The following PPP3CA variants were observed in gnomAD, a reference collection of about 807,000 sequenced individuals.
PPP3CA encodes the protein protein phosphatase 3 catalytic subunit alpha.
PPP3CA carries 14 observed loss-of-function variants against 66.5 expected under a neutral mutation model. That is an observed-to-expected ratio of 0.21 (90% confidence interval 0.14 to 0.33). The LOEUF is 0.33. PPP3CA is among the 10% of genes least tolerant of loss of function. The pLI, the probability that PPP3CA is intolerant of heterozygous loss-of-function variation, is 1.00. For missense variants in PPP3CA, 317 were observed against 639.5 expected (o/e 0.50, Z 5.44); for synonymous variants, 232 against 226.2 (o/e 1.03, Z -0.23).
At chr4:101,159,271 C>T (rs1373206066) in intron 2 of PPP3CA, among the ~76,000 whole-genome samples, 2 of 152,108 alleles carry the variant, frequency 1.3e-5, no homozygotes, top group African/African-American at 2.4e-5. Context: ...GATTCAGAGG[C>T]CAGTGCTATT....
rs148350995 is a variant in PPP3CA at position 101,057,053 on chromosome 4, G to T, written c.1156+4034C>A. On this transcript the variant is annotated intron_variant, in intron 10 of 13. Transcript: ENST00000394854. ...ACTGAAATATATAATATCTTAAGTA[G>T]AATATACTTTTTTTTTTTTTTGAAT... is the stretch of plus-strand genomic sequence containing the variant. Among the ~76,000 whole-genome samples the T allele has an allele frequency of 6.5e-3, 981 of 150,722 alleles. 7 individuals are homozygous for T. Among genetic ancestry groups the T allele is most frequent in the Middle Eastern group, 0.034 (10 of 294 alleles).
chr4:101,192,248 T>TA (rs1724630512), intron 2 of PPP3CA, among the ~76,000 whole-genome samples: 2 of 152,122 alleles, frequency 1.3e-5, no homozygotes, highest in Admixed American at 1.3e-4. Flanking sequence ...GGTCTTGTAA[T>TA]AAAAATAGGA....
At chr4:101,094,951 T>A (rs1578440908) in intron 5 of PPP3CA, among the ~76,000 whole-genome samples, 1 of 152,250 alleles carries the variant, frequency 6.6e-6, no homozygotes, top group East Asian at 1.9e-4. Flanking sequence ...CAAGTGAACA[T>A]ATTTTGCTTA....
chr4:101,112,080 T>C (rs372616479), intron 2 of PPP3CA, among the ~76,000 whole-genome samples: 2 of 152,162 alleles, frequency 1.3e-5, no homozygotes, highest in African/African-American at 2.4e-5. Context: ...CCTCTGTATA[T>C]GTAAATGACA....
At chr4:101,138,308 G>A (rs1361648933) in intron 2 of PPP3CA, among the ~76,000 whole-genome samples, 1 of 152,002 alleles carries the variant, frequency 6.6e-6, no homozygotes, top group African/African-American at 2.4e-5. Context: ...ATAATTTTTG[G>A]GTAAGTAACT....
rs529333350 is a variant in PPP3CA, at chr4:101,190,853, A to G, written c.259+5063T>C. 9.2e-5 allele frequency among the ~76,000 whole-genome samples: 14 copies of G among 152,328 alleles called. No homozygotes were observed. The South Asian group carries it at 2.9e-3, about 32-fold the overall frequency. ...TAATAAATTATAATCAACAGTCAAA[A>G]TAATTTATTTCTTCTACTTCTTGAG... is the stretch of plus-strand genomic sequence containing the variant. On this transcript the variant is annotated intron_variant, in intron 2 of 13. Transcript: ENST00000394854.
intron 5 of PPP3CA, among the ~76,000 whole-genome samples, chr4:101,094,676 A>G (rs184414141): frequency 6.6e-6 from 1 of 152,286 alleles, no homozygotes; most frequent in Non-Finnish European, 1.5e-5. Context: ...TATGAAATCA[A>G]TTTTCCAGCT....
rs1460960318 is a variant in PPP3CA at position 101,334,603 on chromosome 4, C to T, written c.58+12136G>A. Among the ~76,000 whole-genome samples the T allele has an allele frequency of 1.3e-5, 2 of 152,142 alleles. 1 individual carries two copies. Among genetic ancestry groups the T allele is most frequent in the South Asian group, 4.1e-4 (2 of 4,834 alleles). On this transcript the variant is annotated intron_variant, in intron 1 of 13. Coordinates refer to ENST00000394854, the MANE Select transcript of PPP3CA (RefSeq NM_000944.5). The stretch of plus-strand genomic sequence containing the variant: ...ATTATGTTTTAAATATCAGTTACTT[C>T]TGAAATATCTATCAAAAAAGCAATT...
intron 2 of PPP3CA, among the ~76,000 whole-genome samples, chr4:101,125,801 T>A (rs1032468697): frequency 1.3e-5 from 2 of 152,178 alleles, no homozygotes; most frequent in African/African-American, 4.8e-5. Flanking sequence ...AGTTTCTGCA[T>A]AGAATTTATA....
intron 8 of PPP3CA, among the ~76,000 whole-genome samples, chr4:101,069,667 G>C (rs1728828790): frequency 6.6e-6 from 1 of 152,074 alleles, no homozygotes; most frequent in Admixed American, 6.6e-5. Context: ...ATTTTCTTCT[G>C]CTTTTGCCAC....
intron 2 of PPP3CA, among the ~76,000 whole-genome samples, chr4:101,189,278 G>A (rs573641922): frequency 1.3e-5 from 2 of 151,850 alleles, no homozygotes; most frequent in Non-Finnish European, 1.5e-5. Flanking sequence ...CAAATCAGCC[G>A]TGCAGTTATA....
chr4:101,260,902 A>G (rs962386), intron 1 of PPP3CA, among the ~76,000 whole-genome samples: 84,424 of 151,910 alleles, frequency 0.56, 27,429 homozygotes, highest in Non-Finnish European at 0.74. Flanking sequence ...TCACTTAATT[A>G]CTTCCACTGT....
intron 10 of PPP3CA, among the ~76,000 whole-genome samples, chr4:101,058,956 A>G (rs897801665): frequency 5.3e-5 from 8 of 152,138 alleles, no homozygotes; most frequent in Admixed American, 1.3e-4. Context: ...TTTGTTCTCT[A>G]TATCATAAAT....
At chr4:101,139,558 C>A (rs755622223) in intron 2 of PPP3CA, among the ~76,000 whole-genome samples, 2 of 151,976 alleles carry the variant, frequency 1.3e-5, no homozygotes, top group African/African-American at 4.8e-5. Context: ...CTTTATTCGA[C>A]CCCTAAAAGA....
rs1439663865 is a variant in PPP3CA, at chr4:101,306,601, G to A, written c.58+40138C>T. Among the ~76,000 whole-genome samples, 40 of 152,118 alleles carry A rather than the reference G, an allele frequency of 2.6e-4. 1 individual carries two copies. Among genetic ancestry groups the A allele is most frequent in the Admixed American group, 2.6e-3 (40 of 15,264 alleles). On this transcript the variant is annotated intron_variant, in intron 1 of 13. Transcript: ENST00000394854. ...CACTTCTCGGAAGAATAAGAGAAGA[G>A]AGAGAACACAAAAAGACTCGTATTC... is the stretch of plus-strand genomic sequence containing the variant.
chr4:101,098,570 A>C, intron 4 of PPP3CA, 58 bp from the exon 5 acceptor site: 1 of 1,505,974 alleles, frequency 6.6e-7, no homozygotes, highest in Non-Finnish European at 8.9e-7. Context: ...TTTCACTGAA[A>C]TAGTTTTGGT....
intron 12 of PPP3CA, among the ~76,000 whole-genome samples, chr4:101,030,523 A>T (rs2110203865): frequency 6.6e-6 from 1 of 152,272 alleles, no homozygotes; most frequent in African/African-American, 2.4e-5. Flanking sequence ...TCCAACCCAT[A>T]TGTCTTTTAT....
intron 1 of PPP3CA, among the ~76,000 whole-genome samples, chr4:101,319,654 T>C (rs1469034199): frequency 6.6e-6 from 1 of 152,062 alleles, no homozygotes; most frequent in African/African-American, 2.4e-5. Context: ...GAAAAAGAAA[T>C]CTCACAAATC....
intron 1 of PPP3CA, among the ~76,000 whole-genome samples, chr4:101,337,094 A>C (rs941053412): frequency 1.3e-5 from 2 of 152,224 alleles, no homozygotes; most frequent in African/African-American, 4.8e-5. Context: ...CAGCACACAT[A>C]AAGTTCACAT....
Sources: gnomAD v4.1 joint callset for allele counts (sites outside exome capture counted in the v4.1 genomes callset) on GRCh38, gnomAD v4.1.1 for gene constraint, MANE v1.5 for transcripts, NCBI Gene and HGNC (gene_info 2026-07-23, HGNC 2026-07-21) for gene names.